Variants in BMP7 observed in about 807,000 individuals in gnomAD.
BMP7 encodes bone morphogenetic protein 7, also known as osteogenic protein 1.
Under a neutral mutation model 41.2 loss-of-function variants are expected in BMP7, and 12 were observed. The ratio of observed to expected loss-of-function variants is 0.29; its 90% CI spans 0.19 to 0.47. The LOEUF (loss-of-function observed/expected upper bound fraction) is 0.47, where lower values mean the gene tolerates loss of function less well. Among genes scored for constraint, BMP7 ranks in the 20% least tolerant of loss-of-function variants. BMP7 has a pLI of 0.99. For synonymous variants in BMP7, 248 were observed against 250.0 expected (o/e 0.99, Z 0.07); for missense variants, 467 against 606.0 (o/e 0.77, Z 2.41).
chr20:57,237,937 T>G (rs1168851011), intron 1 of BMP7, among the ~76,000 whole-genome samples: 1 of 152,218 alleles, frequency 6.6e-6, no homozygotes, highest in East Asian at 1.9e-4. Flanking sequence ...TTTTTAAAAC[T>G]TTTATTTTTA....
At chr20:57,262,065 ATGCCTTCATTACC>A (rs1185049717) in intron 1 of BMP7, among the ~76,000 whole-genome samples, 1 of 152,294 alleles carries the variant, frequency 6.6e-6, no homozygotes, top group East Asian at 1.9e-4. Context: ...CACAAATTTC[ATGCCTTCATTACC>A]TGGACCAGAG....
chr20:57,187,341 C>G (rs1411073851), intron 3 of BMP7, among the ~76,000 whole-genome samples: 1 of 152,180 alleles, frequency 6.6e-6, no homozygotes, highest in Admixed American at 6.5e-5. Flanking sequence ...GATAGCCAAC[C>G]GGATTTTCAT....
At chr20:57,250,499 C>G (rs1189654186) in intron 1 of BMP7, among the ~76,000 whole-genome samples, 1 of 147,616 alleles carries the variant, frequency 6.8e-6, no homozygotes, top group Non-Finnish European at 1.5e-5. Context: ...CCACTACACT[C>G]CAGCCTGGAT....
At chr20:57,185,367 C>T (rs1360972188) in intron 3 of BMP7, among the ~76,000 whole-genome samples, 1 of 152,168 alleles carries the variant, frequency 6.6e-6, no homozygotes, top group African/African-American at 2.4e-5. Flanking sequence ...ACACAGCCTC[C>T]AAACCAGGAA....
chr20:57,207,223 C>A (rs939031938), intron 2 of BMP7, among the ~76,000 whole-genome samples: 3 of 152,170 alleles, frequency 2.0e-5, no homozygotes, highest in African/African-American at 7.2e-5. Context: ...TCTGACTACA[C>A]TGCTGAAGGA....
intron 3 of BMP7, among the ~76,000 whole-genome samples, chr20:57,189,499 C>T (rs758973858): frequency 5.9e-5 from 9 of 152,362 alleles, no homozygotes; most frequent in Non-Finnish European, 1.2e-4. Context: ...GAGGCTGGCC[C>T]CATCGCACAC....
In BMP7 at chr20:57,207,854, G is replaced by A. The variant is rs558644811; in HGVS notation, c.612-5231C>T. On this transcript the variant is annotated intron_variant, in intron 2 of 6. Coordinates refer to ENST00000395863, the MANE Select transcript of BMP7 (RefSeq NM_001719.3). ...TTTTTTTTTTTTGAGACGGAGTCTC[G>A]CTCTGTCGCCCAGGCTGGACTGCGG... 9.5e-4 allele frequency among the ~76,000 whole-genome samples: 107 copies of A among 112,164 alleles called. 2 individuals carry two copies. The highest frequency in any genetic ancestry group is 1.5e-3 in the South Asian group (5 of 3,248). 73.6% of individuals were successfully genotyped at this position (112,164 alleles called of 152,430 possible).
intron 3 of BMP7, among the ~76,000 whole-genome samples, chr20:57,185,114 G>A (rs1277678001): frequency 6.6e-6 from 1 of 152,218 alleles, no homozygotes; most frequent in Non-Finnish European, 1.5e-5. Context: ...ACCAGGTGGA[G>A]GCAACAGAAT....
At chr20:57,201,443 T>C (rs570934071) in intron 3 of BMP7, among the ~76,000 whole-genome samples, 4 of 152,186 alleles carry the variant, frequency 2.6e-5, no homozygotes, top group African/African-American at 9.6e-5. Flanking sequence ...CCACCATTTA[T>C]GGGAGAGGGG....
intron 1 of BMP7, among the ~76,000 whole-genome samples, chr20:57,238,153 A>G (rs1439147260): frequency 6.6e-6 from 1 of 151,874 alleles, no homozygotes; most frequent in Non-Finnish European, 1.5e-5. Context: ...CCACCCTTCT[A>G]CTTTCTGTCT....
At chr20:57,183,671 G>T (rs1984140521) in intron 4 of BMP7, 51 bp downstream of exon 4, 12 of 1,609,038 alleles carry the variant, frequency 7.5e-6, no homozygotes, top group Non-Finnish European at 8.5e-6. Context: ...TCCCGCCGGG[G>T]CCCTGCTGGG....
intron 2 of BMP7, among the ~76,000 whole-genome samples, chr20:57,209,939 G>A (rs1336894066): frequency 1.3e-5 from 2 of 152,136 alleles, no homozygotes; most frequent in Admixed American, 1.3e-4. Flanking sequence ...TAGGTGAGGG[G>A]GCAAGCCTGG....
chr20:57,198,357 C>T (rs1318084026), intron 3 of BMP7, among the ~76,000 whole-genome samples: 1 of 152,096 alleles, frequency 6.6e-6, no homozygotes, highest in Admixed American at 6.5e-5. Context: ...GGGTGGGAAG[C>T]ACAGCCTGGG....
chr20:57,231,970 C>T (rs1469500002), intron 1 of BMP7, among the ~76,000 whole-genome samples: 1 of 152,240 alleles, frequency 6.6e-6, no homozygotes, highest in Non-Finnish European at 1.5e-5. Flanking sequence ...TCTTTGCCAT[C>T]ATCTGATGGA....
intron 1 of BMP7, among the ~76,000 whole-genome samples, chr20:57,251,141 TACCACTG>T (rs550810922): frequency 5.8e-4 from 88 of 152,214 alleles, no homozygotes; most frequent in Non-Finnish European, 1.1e-3. Flanking sequence ...CATCACTGCC[TACCACTG>T]ACATCCCCAG....
chr20:57,256,417 G>A (rs1331264343), intron 1 of BMP7, among the ~76,000 whole-genome samples: 1 of 152,284 alleles, frequency 6.6e-6, no homozygotes, highest in African/African-American at 2.4e-5. Context: ...TTTCCTGGAC[G>A]CTCTCTGGTG....
At chr20:57,245,859 C>G (rs1386230927) in intron 1 of BMP7, among the ~76,000 whole-genome samples, 1 of 151,260 alleles carries the variant, frequency 6.6e-6, no homozygotes, top group Non-Finnish European at 1.5e-5. Context: ...AGGATGGTCT[C>G]GATCTCCTGA....
At chr20:57,192,238 G>GTATATAGCATATATACTATAGTA (rs1341107760) in intron 3 of BMP7, among the ~76,000 whole-genome samples, 2 of 118,770 alleles carry the variant, frequency 1.7e-5, no homozygotes, top group African/African-American at 3.2e-5. Flanking sequence ...TTATATAATA[G>GTATATAGCATATATACTATAGTA]TATATAGCAT....
Position 57,266,159 on chromosome 20 carries a change from C to T in BMP7, c.-37G>A, listed in dbSNP as rs758048931. 7.1e-5 allele frequency: 105 copies of T among 1,476,358 alleles called. No individual in the cohort carries two copies. The highest frequency in any genetic ancestry group is 8.8e-5 in the Non-Finnish European group (99 of 1,120,718). The allele number at this position is 1,476,358 out of a possible 1,614,324, so 91.5% of individuals were successfully genotyped here. On this transcript the variant is annotated 5_prime_UTR_variant, in exon 1 of 7. Coordinates refer to ENST00000395863, the MANE Select transcript of BMP7 (RefSeq NM_001719.3). ...TACGCGCTACCCGGGCTCCGGGCTCCGGGCCCGCACCGCCCCAGGTGGCAG... is the reference window on the plus strand; with the variant it reads ...TACGCGCTACCCGGGCTCCGGGCTCTGGGCCCGCACCGCCCCAGGTGGCAG...
Sources: gnomAD v4.1 joint callset for allele counts (sites outside exome capture counted in the v4.1 genomes callset) on GRCh38, gnomAD v4.1.1 for gene constraint, MANE v1.5 for transcripts, NCBI Gene and HGNC (gene_info 2026-07-23, HGNC 2026-07-21) for gene names.